The following RAP2A variants were observed in gnomAD, a reference collection of about 807,000 sequenced individuals.
The protein encoded by RAP2A is RAP2A, member of RAS oncogene family.
Under a neutral mutation model 15.1 loss-of-function variants are expected in RAP2A, and 5 were observed. The observed-to-expected ratio is 0.33, with a 90% confidence interval of 0.17 to 0.70. RAP2A has a LOEUF of 0.70. Ranked by LOEUF, RAP2A falls within the 30% of genes least tolerant of loss-of-function variation. The pLI is 0.68. For missense variants in RAP2A, 111 were observed against 240.3 expected (o/e 0.46, Z 3.56); for synonymous variants, 110 against 99.7 (o/e 1.10, Z -0.62).
intron 1 of RAP2A, among the ~76,000 whole-genome samples, chr13:97,448,696 G>C (rs934207311): frequency 2.6e-5 from 4 of 152,134 alleles, no homozygotes; most frequent in African/African-American, 9.7e-5. Context: ...GGTTGGCCTG[G>C]ACTGTTAATC....
intron 1 of RAP2A, among the ~76,000 whole-genome samples, chr13:97,444,016 C>G (rs1032177602): frequency 2.6e-5 from 4 of 151,866 alleles, no homozygotes; most frequent in Non-Finnish European, 4.4e-5. Flanking sequence ...GGAATGAAAC[C>G]CAGCCTTTTA....
chr13:97,445,464 T>C lies in RAP2A; in HGVS notation c.314+10680T>C, dbSNP rs185745957. 6.5e-4 allele frequency among the ~76,000 whole-genome samples: 99 copies of C among 152,352 alleles called. No homozygotes were observed. In the East Asian group the frequency reaches 0.015, roughly 23 times the overall value. On this transcript the variant is annotated intron_variant, in intron 1 of 1. Coordinates refer to ENST00000245304, the MANE Select transcript of RAP2A (RefSeq NM_021033.7). ...TTAATTATTTTTAGTTTATTTTTTA[T>C]GAGCAAGTGATGAGAAAATAATTTC...
chr13:97,446,060 A>G (rs1389153718), intron 1 of RAP2A, among the ~76,000 whole-genome samples: 1 of 152,162 alleles, frequency 6.6e-6, no homozygotes, highest in East Asian at 1.9e-4. Context: ...CTTAACAATC[A>G]CATATCTATT....
chr13:97,458,889 GC>G (rs1413246943), intron 1 of RAP2A, among the ~76,000 whole-genome samples: 1 of 152,070 alleles, frequency 6.6e-6, no homozygotes, highest in Admixed American at 6.5e-5. Flanking sequence ...TGATGCTACA[GC>G]CAGTATTTCT....
At chr13:97,458,175 C>G (rs546734115) in intron 1 of RAP2A, among the ~76,000 whole-genome samples, 6 of 152,204 alleles carry the variant, frequency 3.9e-5, no homozygotes, top group African/African-American at 1.4e-4. Flanking sequence ...CCTTGGGACT[C>G]TCTTGGTAGA....
intron 1 of RAP2A, among the ~76,000 whole-genome samples, chr13:97,436,618 T>C (rs908540053): frequency 6.6e-6 from 1 of 152,214 alleles, no homozygotes; most frequent in Non-Finnish European, 1.5e-5. Context: ...TTGTAGTTTC[T>C]TGTAATTTAG....
At chr13:97,461,347 T>C (rs1387278864) in intron 1 of RAP2A, among the ~76,000 whole-genome samples, 1 of 152,206 alleles carries the variant, frequency 6.6e-6, no homozygotes, top group Non-Finnish European at 1.5e-5. Flanking sequence ...AGGATATTAA[T>C]GTGGATTTCT....
chr13:97,454,632 A>AT (rs1258510079), intron 1 of RAP2A, among the ~76,000 whole-genome samples: 1 of 151,344 alleles, frequency 6.6e-6, no homozygotes, highest in African/African-American at 2.4e-5. Context: ...AAAAAGGACT[A>AT]TAATTTTTTG....
At chr13:97,443,369 GCT>G (rs768308296) in intron 1 of RAP2A, among the ~76,000 whole-genome samples, 2 of 152,068 alleles carry the variant, frequency 1.3e-5, no homozygotes. Context: ...TATCTTTACA[GCT>G]CTCTCTCTGT....
chr13:97,439,522 T>C lies in RAP2A; in HGVS notation c.314+4738T>C, dbSNP rs544125711. The stretch of plus-strand genomic sequence containing the variant: ...ATTTTGAAATGAACAAATAGGATTA[T>C]GGAGGAATAGCTGGGGGAGATTATT... On this transcript the variant is annotated intron_variant, in intron 1 of 1. Coordinates refer to ENST00000245304, the MANE Select transcript of RAP2A (RefSeq NM_021033.7). 3.3e-5 allele frequency among the ~76,000 whole-genome samples: 5 copies of C among 152,320 alleles called. No homozygotes were observed. The East Asian group carries it at 9.6e-4, about 29-fold the overall frequency.
chr13:97,443,367 C>G (rs1006569041), intron 1 of RAP2A, among the ~76,000 whole-genome samples: 1 of 152,152 alleles, frequency 6.6e-6, no homozygotes, highest in African/African-American at 2.4e-5. Flanking sequence ...AGTATCTTTA[C>G]AGCTCTCTCT....
intron 1 of RAP2A, among the ~76,000 whole-genome samples, chr13:97,456,355 C>T (rs891719141): frequency 2.0e-5 from 3 of 148,532 alleles, no homozygotes; most frequent in Non-Finnish European, 3.0e-5. Context: ...CCACAAACTG[C>T]TTTTTTCTCT....
chr13:97,447,975 T>G (rs934364620), intron 1 of RAP2A, among the ~76,000 whole-genome samples: 3 of 152,076 alleles, frequency 2.0e-5, no homozygotes, highest in Non-Finnish European at 2.9e-5. Flanking sequence ...TCTTGGGTTT[T>G]TTTTTTTTTT....
intron 1 of RAP2A, among the ~76,000 whole-genome samples, chr13:97,437,973 G>A (rs749506249): frequency 2.6e-5 from 4 of 152,114 alleles, no homozygotes; most frequent in Non-Finnish European, 5.9e-5. Flanking sequence ...ACATACCTCC[G>A]TATACATACA....
At chr13:97,463,152 C>T (rs2139042818) in intron 1 of RAP2A, among the ~76,000 whole-genome samples, 1 of 152,224 alleles carries the variant, frequency 6.6e-6, no homozygotes, top group Non-Finnish European at 1.5e-5. Context: ...ACTAAAATCA[C>T]AAAAACCTTT....
chr13:97,440,494 ATAAC>A (rs1235609433), intron 1 of RAP2A, among the ~76,000 whole-genome samples: 5 of 152,200 alleles, frequency 3.3e-5, no homozygotes, highest in African/African-American at 9.7e-5. Context: ...AACAAACAAT[ATAAC>A]TAGTAAGTCA....
intron 1 of RAP2A, among the ~76,000 whole-genome samples, chr13:97,442,886 A>G (rs1204190329): frequency 6.6e-6 from 1 of 152,238 alleles, no homozygotes; most frequent in Non-Finnish European, 1.5e-5. Context: ...GCATTTAGTC[A>G]CTGAACAAAA....
Position 97,434,491 on chromosome 13 carries a change from G to A in RAP2A, c.21G>A (p.Val7=), listed in dbSNP as rs2066624211. The stretch of plus-strand genomic sequence containing the variant: ...GGACGATGCGCGAGTACAAAGTGGT[G>A]GTGCTGGGCTCGGGCGGGGTAGGCA... MREYKV[V]VLGSGGVGKS... is the part of the protein sequence containing the mutation. Residue 7 remains valine, a synonymous_variant, in exon 1 of 2, where the codon GTG becomes GTA. Coordinates refer to ENST00000245304, the MANE Select transcript of RAP2A (RefSeq NM_021033.7). 6.2e-7 allele frequency: 1 copy of A among 1,609,290 alleles called. No homozygotes were observed. The highest frequency in any genetic ancestry group is 8.5e-7 in the Non-Finnish European group (1 of 1,177,328).
At position 97,468,696 on chromosome 13, in the gene RAP2A, G is replaced by A. The variant is rs1006046395; in HGVS notation, c.*4254G>A. On this transcript the variant is annotated 3_prime_UTR_variant, in exon 2 of 2. Transcript: ENST00000245304. ...ATCCCAGATATTTAAAGGAAAACATGCCTATATTTTAGGAATATCTTCTGA... is the reference window on the plus strand; with the variant it reads ...ATCCCAGATATTTAAAGGAAAACATACCTATATTTTAGGAATATCTTCTGA... 4.6e-5 allele frequency: 7 copies of A among 152,176 alleles called. No individual in the cohort carries two copies. Among genetic ancestry groups the A allele is most frequent in the African/African-American group, 1.7e-4 (7 of 41,438 alleles). The allele number at this position is 152,176 out of a possible 1,614,324, so 9.4% of individuals were successfully genotyped here.
Sources: allele counts gnomAD v4.1 joint callset (sites outside exome capture counted in the v4.1 genomes callset), GRCh38; gene constraint gnomAD v4.1.1; transcripts MANE v1.5; gene names NCBI Gene and HGNC (gene_info 2026-07-23, HGNC 2026-07-21).